The following RNF17 variants were observed in gnomAD, a reference collection of about 807,000 sequenced individuals.
The protein encoded by RNF17 is ring finger protein 17.
Under a neutral mutation model 200.5 loss-of-function variants are expected in RNF17, and 31 were observed. The observed-to-expected ratio is 0.15, with a 90% CI of 0.12 to 0.21. The LOEUF is 0.21. Among genes scored for constraint, RNF17 ranks in the 10% least tolerant of loss-of-function variants. RNF17 has a pLI of 1.00. For missense variants in RNF17, 1,628 were observed against 1,905.1 expected (o/e 0.85, Z 2.71); for synonymous variants, 606 against 637.8 (o/e 0.95, Z 0.75).
the RNF17 span, among the ~76,000 whole-genome samples, chr13:24,886,574 CAG>C: frequency 6.6e-6 from 1 of 152,088 alleles, no homozygotes. Flanking sequence ...TGGGAGTACA[CAG>C]GGGTTTAGGC....
At chr13:24,801,379 A>G (rs113467724) in intron 13 of RNF17, among the ~76,000 whole-genome samples, 2,969 of 152,294 alleles carry the variant, frequency 0.019, 94 homozygotes, top group African/African-American at 0.067. Flanking sequence ...TTGGTGGCCC[A>G]AGGCTGTAAT....
At position 24,862,901 on chromosome 13, in the gene RNF17, T is replaced by G. The variant is rs928028572; in HGVS notation, c.3975+108T>G. 5.3e-6 allele frequency: 3 copies of G among 562,446 alleles called. No homozygotes were observed. The African/African-American group carries it at 5.8e-5, about 11-fold the overall frequency. 34.8% of individuals were successfully genotyped at this position (562,446 alleles called of 1,614,324 possible). A position where few individuals can be genotyped will look rare whatever the true frequency, so the allele number is the denominator to read the frequency against. ...ATAAGCAATGGTATATACCTTCTTATGTGAATTGCTTGTTAGCATAAAAGA... is the reference window on the plus strand; with the variant it reads ...ATAAGCAATGGTATATACCTTCTTAGGTGAATTGCTTGTTAGCATAAAAGA... On this transcript the variant is annotated intron_variant, in intron 28 of 35. Coordinates refer to ENST00000255324, the MANE Select transcript of RNF17 (RefSeq NM_031277.3).
At chr13:24,873,734 C>T (rs976540047) in intron 32 of RNF17, among the ~76,000 whole-genome samples, 8 of 129,138 alleles carry the variant, frequency 6.2e-5, no homozygotes, top group Non-Finnish European at 9.1e-5. Flanking sequence ...TTCATGGCCT[C>T]ATGTAACTGA....
At chr13:24,756,714 T>C in the RNF17 span, among the ~76,000 whole-genome samples, 1 of 152,168 alleles carries the variant, frequency 6.6e-6, no homozygotes, top group East Asian at 1.9e-4. Context: ...ATCAACCAGA[T>C]AAAAGGTTCT....
At chr13:24,836,842 AAG>A (rs1890048707) in intron 18 of RNF17, among the ~76,000 whole-genome samples, 1 of 152,232 alleles carries the variant, frequency 6.6e-6, no homozygotes. Context: ...ACAGGCAACA[AAG>A]AGCACCATGA....
chr13:24,797,909 C>T (rs938768280), intron 11 of RNF17, among the ~76,000 whole-genome samples: 5 of 152,000 alleles, frequency 3.3e-5, no homozygotes, highest in Non-Finnish European at 7.4e-5. Context: ...GATAACTATA[C>T]AAATACATGA....
intron 26 of RNF17, among the ~76,000 whole-genome samples, chr13:24,859,599 C>A (rs1892875192): frequency 6.6e-6 from 1 of 151,488 alleles, no homozygotes; most frequent in Non-Finnish European, 1.5e-5. Flanking sequence ...ATAGCTACAT[C>A]CTTTGAAATA....
At chr13:24,752,899 C>A in the RNF17 span, among the ~76,000 whole-genome samples, 9 of 152,330 alleles carry the variant, frequency 5.9e-5, no homozygotes, top group South Asian at 1.7e-3. Context: ...GCGTGGCCTG[C>A]GTGGCCCTAC....
rs532031480 is a variant in RNF17, at chr13:24,789,240, A to T, written c.784-108A>T. 1.5e-5 allele frequency: 11 copies of T among 730,694 alleles called. No homozygotes were observed. The South Asian group carries it at 2.2e-4, about 14-fold the overall frequency. The allele number at this position is 730,694 out of a possible 1,614,324, so 45.3% of individuals were successfully genotyped here. A position where few individuals can be genotyped will look rare whatever the true frequency, so the allele number is the denominator to read the frequency against. On this transcript the variant is annotated intron_variant, in intron 7 of 35. Coordinates refer to ENST00000255324, the MANE Select transcript of RNF17 (RefSeq NM_031277.3). Reference sequence around the variant, plus strand: ...AGTGCCCCAAATTGAGCCTGAATGCAATAATTAATGAAATACCTAAAAGAT... The same window carrying T: ...AGTGCCCCAAATTGAGCCTGAATGCTATAATTAATGAAATACCTAAAAGAT...
chr13:24,774,402 G>A (rs1881260092), intron 2 of RNF17, among the ~76,000 whole-genome samples: 1 of 152,146 alleles, frequency 6.6e-6, no homozygotes, highest in Admixed American at 6.5e-5. Flanking sequence ...TAGAGATGGG[G>A]TTTTGCCATG....
chr13:24,764,444 C>A, intron 1 of RNF17, 111 bp downstream of exon 1: 1 of 1,396,470 alleles, frequency 7.2e-7, no homozygotes, highest in Non-Finnish European at 9.4e-7. Context: ...ATCCTGGTGT[C>A]ACCAGAAACT....
chr13:24,849,427 C>T (rs1386732230), intron 22 of RNF17, among the ~76,000 whole-genome samples: 2 of 152,144 alleles, frequency 1.3e-5, no homozygotes, highest in African/African-American at 4.8e-5. Context: ...CTTTCTTAAA[C>T]ATTATGAAAT....
chr13:24,778,340 A>AACT lies in RNF17; in HGVS notation c.367_369dup (p.Thr123dup), dbSNP rs1881866842. 1 of 1,613,712 alleles carries AACT rather than the reference A, an allele frequency of 6.2e-7. No individual in the cohort carries two copies. Among genetic ancestry groups the AACT allele is most frequent in the Non-Finnish European group, 8.5e-7 (1 of 1,179,636 alleles). On this transcript the variant is annotated inframe_insertion, in exon 4 of 36. Coordinates refer to ENST00000255324, the MANE Select transcript of RNF17 (RefSeq NM_031277.3). ...ACTTTAAGAAGACTGCTGATCAGCT[A>AACT]ACTACTGGTTTAGAACGTTCAGCCT...
At chr13:24,748,673 C>T in the RNF17 span, among the ~76,000 whole-genome samples, 6 of 152,054 alleles carry the variant, frequency 3.9e-5, no homozygotes, top group Non-Finnish European at 8.8e-5. Flanking sequence ...TTGCAACAAG[C>T]TGTGCCAAGG....
At chr13:24,886,452 A>G in the RNF17 span, 3 of 847,476 alleles carry the variant, frequency 3.5e-6, no homozygotes, top group Non-Finnish European at 5.1e-6. Flanking sequence ...AAACTGCCAC[A>G]CATCAGCAAT....
intron 2 of RNF17, among the ~76,000 whole-genome samples, chr13:24,767,952 A>G (rs1013344665): frequency 6.6e-6 from 1 of 152,056 alleles, no homozygotes; most frequent in Non-Finnish European, 1.5e-5. Context: ...TCTTTTGTTT[A>G]TTTTAATGGT....
In RNF17 at chr13:24,853,924, T is replaced by G; in HGVS notation, c.3390T>G (p.Asp1130Glu). 6.2e-7 allele frequency: 1 copy of G among 1,613,816 alleles called. No individual in the cohort carries two copies. The highest frequency in any genetic ancestry group is 1.1e-5 in the South Asian group (1 of 91,074). The change falls in exon 25 of 36, where the codon GAT becomes GAG. Residue 1130 changes from aspartate (D) to glutamate (E), a missense_variant. Around this residue, in one of 5 missense-constraint regions of RNF17, gnomAD observed 609 missense variants for 681.9 expected, o/e 0.89. Transcript: ENST00000255324. ...KSLEVPLEQE[D>E]SVVTNCIKTN... ...TGGAAGTCCCCCTGGAACAGGAAGA[T>G]TCAGTAGTTACTAACTGTATTAAAA...
At chr13:24,791,581 T>A (rs1883864636) in intron 9 of RNF17, among the ~76,000 whole-genome samples, 1 of 152,130 alleles carries the variant, frequency 6.6e-6, no homozygotes, top group African/African-American at 2.4e-5. Context: ...GTAATCAGAA[T>A]ATAGATGTAG....
intron 15 of RNF17, among the ~76,000 whole-genome samples, chr13:24,820,232 C>T (rs1887884694): frequency 6.6e-6 from 1 of 151,318 alleles, no homozygotes; most frequent in Non-Finnish European, 1.5e-5. Context: ...AGCGATTGTC[C>T]TGCCCCAGCC....
Sources: gnomAD v4.1 joint callset for allele counts (sites outside exome capture counted in the v4.1 genomes callset) on GRCh38, gnomAD v4.1.1 for gene constraint, gnomAD v4.1.1 regional missense constraint, MANE v1.5 for transcripts, NCBI Gene and HGNC (gene_info 2026-07-23, HGNC 2026-07-21) for gene names.